The following DNAH9 variants were observed in gnomAD, a reference collection of about 807,000 sequenced individuals.
DNAH9 encodes the protein DNAH9 variant protein.
A neutral mutation model predicts 471.6 loss-of-function variants in DNAH9; 345 were observed. The observed-to-expected ratio is 0.73, with a 90% CI of 0.67 to 0.80. The LOEUF is 0.80. DNAH9 is among the 30% of genes least tolerant of loss of function. The pLI is 0.00. For synonymous variants in DNAH9, 2,093 were observed against 2,123.6 expected, an observed-to-expected ratio of 0.99 and a Z score of 0.40; for missense variants, 5,407 against 5,609.2, an observed-to-expected ratio of 0.96 and a Z score of 1.15.
chr17:11,648,056 A>C (rs543889770), intron 12 of DNAH9, among the ~76,000 whole-genome samples: 40 of 152,344 alleles, frequency 2.6e-4, no homozygotes, highest in African/African-American at 9.6e-4. Context: ...AGCCACAGAA[A>C]GTTTAATGCT....
chr17:11,902,237 A>G (rs2151012726), intron 59 of DNAH9, among the ~76,000 whole-genome samples: 1 of 152,322 alleles, frequency 6.6e-6, no homozygotes, highest in Middle Eastern at 3.4e-3. Flanking sequence ...CTGAATCCTC[A>G]TAGAAATAGA....
intron 56 of DNAH9, among the ~76,000 whole-genome samples, chr17:11,885,738 A>G (rs1167497266): frequency 6.6e-6 from 1 of 152,142 alleles, no homozygotes; most frequent in African/African-American, 2.4e-5. Context: ...TTCTCAGTTC[A>G]TGAGATGCTA....
chr17:11,619,479 C>G, intron 5 of DNAH9, 69 bp from the exon 6 acceptor site: 2 of 835,466 alleles, frequency 2.4e-6, no homozygotes, highest in Admixed American at 1.8e-5. Context: ...TGATTCAGTT[C>G]AGAGTTGGTG....
intron 1 of DNAH9, among the ~76,000 whole-genome samples, chr17:11,599,350 C>G (rs1307680384): frequency 1.3e-5 from 2 of 152,078 alleles, no homozygotes; most frequent in Non-Finnish European, 2.9e-5. Context: ...GTGGACAAGA[C>G]GGCATTTCTG....
At chr17:11,871,498 C>G (rs192161859) in intron 51 of DNAH9, 100 bp from the exon 52 acceptor site, 1 of 1,059,950 alleles carries the variant, frequency 9.4e-7, no homozygotes, top group African/African-American at 1.6e-5. Context: ...TGCCTCTTCC[C>G]GCTATGAAGC....
chr17:11,730,408 G>C (rs1425419909), intron 28 of DNAH9, among the ~76,000 whole-genome samples: 1 of 152,216 alleles, frequency 6.6e-6, no homozygotes, highest in Admixed American at 6.5e-5. Flanking sequence ...TGTAAGCTGA[G>C]TGTTGCCAGA....
In DNAH9 at chr17:11,598,554, C is replaced by G; in HGVS notation, c.56C>G (p.Pro19Arg). Reference sequence around the variant, plus strand: ...GCGGCGGAGAACGCGGATGGGGAACCCGGCGCCGACCGACGACTGCGACTC... The same window carrying G: ...GCGGCGGAGAACGCGGATGGGGAACGCGGCGCCGACCGACGACTGCGACTC... ...ALAAENADGE[P>R]GADRRLRLLG... Residue 19 changes from proline (P) to arginine (R), a missense_variant, in exon 1 of 69, where the codon CCC becomes CGC. Around this residue, in one of 3 missense-constraint regions of DNAH9, gnomAD observed 767 missense variants for 692.5 expected, o/e 1.11. Transcript: ENST00000262442. The G allele has an allele frequency of 5.0e-6, 7 of 1,407,638 alleles. No homozygotes were observed. The highest frequency in any genetic ancestry group is 6.4e-6 in the Non-Finnish European group (7 of 1,088,826). 87.2% of individuals were successfully genotyped at this position (1,407,638 alleles called of 1,614,324 possible).
At chr17:11,749,375 T>C (rs780742420) in intron 32 of DNAH9, among the ~76,000 whole-genome samples, 1 of 152,140 alleles carries the variant, frequency 6.6e-6, no homozygotes, top group Non-Finnish European at 1.5e-5. Flanking sequence ...TAAGCCACCA[T>C]GATGCCAGGC....
At chr17:11,768,368 G>A in intron 36 of DNAH9, 85 bp from the exon 37 acceptor site, 1 of 1,396,176 alleles carries the variant, frequency 7.2e-7, no homozygotes, top group Non-Finnish European at 1.0e-6. Context: ...GTCCTGCCCT[G>A]ACCTTCTATC....
At position 11,783,744 on chromosome 17, in the gene DNAH9, T is replaced by A; in HGVS notation, c.7817T>A (p.Leu2606His). Reference protein sequence around the residue: ...TAGSFTINPRLQRHFSVFVLS... With the variant: ...TAGSFTINPRHQRHFSVFVLS... ...GGCAGCTTCACCATCAACCCCCGGC[T>A]TCAGGTACAGGAGGAGCCATGGGAC... The change falls in exon 40 of 69, where the codon CTT becomes CAT. Residue 2606 changes from leucine to histidine, a missense_variant. By Grantham distance (99) the Leu-to-His change is moderately conservative. This residue lies in a region of DNAH9 where 4,636 missense variants were observed against 4,900.3 expected (regional missense o/e 0.95). Transcript: ENST00000262442. The A allele has an allele frequency of 6.2e-7, 1 of 1,613,964 alleles. No individual in the cohort carries two copies. Among genetic ancestry groups the A allele is most frequent in the Non-Finnish European group, 8.5e-7 (1 of 1,179,860 alleles).
chr17:11,969,571 G>A lies in DNAH9; in HGVS notation c.*44G>A, dbSNP rs764239595. ...AGAAAATAAAAAAGCTGGGCTTGGA[G>A]GCTGCCTAGAGGGACAGGTGGGTGA... On this transcript the variant is annotated 3_prime_UTR_variant, in exon 69 of 69. Transcript: ENST00000262442. 7 of 1,520,720 alleles carry A rather than the reference G, an allele frequency of 4.6e-6. No individual in the cohort carries two copies. The highest frequency in any genetic ancestry group is 1.4e-5 in the African/African-American group (1 of 72,030). The allele number at this position is 1,520,720 out of a possible 1,614,324, so 94.2% of individuals were successfully genotyped here. A position where few individuals can be genotyped will look rare whatever the true frequency, so the allele number is the denominator to read the frequency against.
chr17:11,891,411 C>G (rs1425596084), intron 57 of DNAH9, among the ~76,000 whole-genome samples: 1 of 152,076 alleles, frequency 6.6e-6, no homozygotes, highest in East Asian at 1.9e-4. Context: ...TGTCGCCCAG[C>G]CTGGAATGCA....
chr17:11,769,394 G>A, intron 38 of DNAH9, 65 bp downstream of exon 38: 1 of 1,440,122 alleles, frequency 6.9e-7, no homozygotes, highest in Non-Finnish European at 9.5e-7. Flanking sequence ...ACACAGAGCT[G>A]AAGCCAAGCG....
intron 63 of DNAH9, 83 bp from the exon 64 acceptor site, chr17:11,931,931 G>A (rs755993872): frequency 4.3e-5 from 64 of 1,487,396 alleles, no homozygotes; most frequent in Non-Finnish European, 5.2e-5. Context: ...TTTCCAACAC[G>A]AACCCTGATT....
Position 11,883,640 on chromosome 17 carries a change from G to C in DNAH9, c.10861G>C (p.Asp3621His). The change falls in exon 56 of 69, where the codon GAC (aspartate) becomes CAC (histidine). Residue 3621 changes from aspartate (D) to histidine (H), a missense_variant. Asp to His is a moderately conservative substitution (Grantham distance 81). This residue lies in a region of DNAH9 where 4,636 missense variants were observed against 4,900.3 expected (regional missense o/e 0.95). Transcript: ENST00000262442. Reference sequence around the variant, plus strand: ...CAAAATTACCCTGAAAACGTTGGAAGACAGTCTTCTCTCTCGCCTCTCCTC... The same window carrying C: ...CAAAATTACCCTGAAAACGTTGGAACACAGTCTTCTCTCTCGCCTCTCCTC... ...GFKITLKTLE[D>H]SLLSRLSSAS... 2 of 1,614,146 alleles carry C rather than the reference G, an allele frequency of 1.2e-6. No homozygotes were observed. The highest frequency in any genetic ancestry group is 1.7e-6 in the Non-Finnish European group (2 of 1,180,024).
chr17:11,957,744 C>T (rs138046783), intron 67 of DNAH9, among the ~76,000 whole-genome samples: 1 of 152,190 alleles, frequency 6.6e-6, no homozygotes, highest in East Asian at 1.9e-4. Context: ...ACAGAAAAAA[C>T]AGGAATCCTT....
At chr17:11,939,807 C>CATGGATGGATGGATGGATGG (rs57669174) in intron 66 of DNAH9, among the ~76,000 whole-genome samples, 267 of 147,288 alleles carry the variant, frequency 1.8e-3, no homozygotes, top group African/African-American at 6.1e-3. Context: ...ATGTTAGATA[C>CATGGATGGATGGATGGATGG]ATGGATGGAT....
intron 63 of DNAH9, among the ~76,000 whole-genome samples, chr17:11,931,370 C>G (rs928008803): frequency 1.8e-4 from 27 of 152,194 alleles, no homozygotes; most frequent in African/African-American, 6.5e-4. Context: ...AACAGGATGA[C>G]TGTGCCACCT....
At position 11,881,462 on chromosome 17, in the gene DNAH9, C is replaced by CTCCA. The variant is rs779133651; in HGVS notation, c.10806+50_10806+53dup. On this transcript the variant is annotated intron_variant, in intron 55 of 68. Coordinates refer to ENST00000262442, the MANE Select transcript of DNAH9 (RefSeq NM_001372.4). The stretch of plus-strand genomic sequence containing the variant: ...TTCTGCCACTAGAGCCTGCAGTGTA[C>CTCCA]TCCACTCTGGGAGAGGTTGCAGAGG... The CTCCA allele has an allele frequency of 2.6e-6, 4 of 1,564,410 alleles. No individual in the cohort carries two copies. The African/African-American group carries it at 5.5e-5, about 21-fold the overall frequency.
Sources: allele counts gnomAD v4.1 joint callset (sites outside exome capture counted in the v4.1 genomes callset), GRCh38; gene constraint gnomAD v4.1.1; regional missense constraint gnomAD v4.1.1; transcripts MANE v1.5; gene names NCBI Gene and HGNC (gene_info 2026-07-23, HGNC 2026-07-21).